The following MTIF3 variants were observed in gnomAD, a reference collection of about 807,000 sequenced individuals.
The protein encoded by MTIF3 is translation initiation factor IF-3, mitochondrial.
MTIF3 carries 13 observed loss-of-function variants against 20.7 expected under a neutral mutation model. That is an observed-to-expected ratio of 0.63 (90% CI 0.41 to 1.00). The LOEUF (loss-of-function observed/expected upper bound fraction) is 1.00, where lower values mean the gene tolerates loss of function less well. MTIF3 is among the 50% of genes least tolerant of loss of function. MTIF3 has a pLI of 0.00. For missense variants in MTIF3, 295 were observed against 324.5 expected (o/e 0.91, Z 0.70); for synonymous variants, 114 against 112.5 (o/e 1.01, Z -0.08).
At chr13:27,448,226 T>C (rs1954243367) in intron 1 of MTIF3, among the ~76,000 whole-genome samples, 1 of 152,248 alleles carries the variant, frequency 6.6e-6, no homozygotes, top group Non-Finnish European at 1.5e-5. Context: ...AAATAACTTC[T>C]ATTATTTGTT....
At chr13:27,437,081 A>C in intron 4 of MTIF3, 35 bp downstream of exon 4, 1 of 1,601,868 alleles carries the variant, frequency 6.2e-7, no homozygotes, top group Non-Finnish European at 8.5e-7. Context: ...AGAAGACCCA[A>C]AGCACAAGCA....
intron 3 of MTIF3, among the ~76,000 whole-genome samples, chr13:27,438,447 A>C (rs1414897466): frequency 6.9e-6 from 1 of 145,802 alleles, no homozygotes; most frequent in East Asian, 2.1e-4. Flanking sequence ...CCGAAATCAC[A>C]CCACAGCACT....
chr13:27,438,481 C>CGGTTT (rs1422816462), intron 3 of MTIF3, among the ~76,000 whole-genome samples: 30 of 52,062 alleles, frequency 5.8e-4, no homozygotes, highest in Non-Finnish European at 9.7e-4. Context: ...CAGAGCAAGA[C>CGGTTT]TGTTTTTTTT....
At chr13:27,447,122 C>T (rs1313429404) in intron 1 of MTIF3, among the ~76,000 whole-genome samples, 2 of 148,914 alleles carry the variant, frequency 1.3e-5, no homozygotes, top group East Asian at 2.0e-4. Context: ...CACGGCCTGT[C>T]GGCATCACCT....
intron 2 of MTIF3, among the ~76,000 whole-genome samples, chr13:27,442,050 G>A (rs189044592): frequency 5.5e-4 from 83 of 152,286 alleles, no homozygotes; most frequent in African/African-American, 1.8e-3. Context: ...CTTCTCTTGA[G>A]TTCCACACCT....
Position 27,440,079 on chromosome 13 carries a change from C to T in MTIF3, c.370G>A (p.Glu124Lys). 1 of 1,614,210 alleles carries T rather than the reference C, an allele frequency of 6.2e-7. No individual in the cohort carries two copies. Among genetic ancestry groups the T allele is most frequent in the Non-Finnish European group, 8.5e-7 (1 of 1,180,030 alleles). ...LRLVQRNTST[E>K]PAEYQLMTGL... Reference sequence around the variant, plus strand: ...GTCATGAGCTGATACTCTGCAGGTTCTGTGCTGGTGTTCCTTTGAACCAGT... The same window carrying T: ...GTCATGAGCTGATACTCTGCAGGTTTTGTGCTGGTGTTCCTTTGAACCAGT... The change falls in exon 3 of 5, where the codon GAA becomes AAA. Residue 124 changes from glutamate (E) to lysine (K), a missense_variant. By Grantham distance (56) the Glu-to-Lys change is moderately conservative. Transcript: ENST00000381120.
chr13:27,436,815 G>A (rs535322815), intron 4 of MTIF3, among the ~76,000 whole-genome samples: 205 of 142,568 alleles, frequency 1.4e-3, no homozygotes, highest in African/African-American at 2.2e-3. Flanking sequence ...GCAGTGGCGC[G>A]ATCTCGGCTC....
At chr13:27,438,507 T>G (rs1271245224) in intron 3 of MTIF3, among the ~76,000 whole-genome samples, 14 of 126,016 alleles carry the variant, frequency 1.1e-4, no homozygotes, top group Non-Finnish European at 2.1e-4. Context: ...TTTTTTTTTT[T>G]TTAAACACAG....
intron 3 of MTIF3, among the ~76,000 whole-genome samples, chr13:27,438,516 A>T (rs1953878693): frequency 7.2e-6 from 1 of 139,254 alleles, no homozygotes. Flanking sequence ...TTTTAAACAC[A>T]GGGTCTCGCT....
chr13:27,440,102 A>G lies in MTIF3; in HGVS notation c.347T>C (p.Leu116Pro), dbSNP rs1953945282. ...IRLMDERDLR[L>P]VQRNTSTEPA... ...TTCTGTGCTGGTGTTCCTTTGAACC[A>G]GTCGCAGGTCTCGCTCATCCATAAG... The change falls in exon 3 of 5, where the codon CTG (leucine) becomes CCG (proline). Residue 116 changes from leucine (L) to proline (P), a missense_variant. Coordinates refer to ENST00000381120, the MANE Select transcript of MTIF3 (RefSeq NM_152912.5). The G allele has an allele frequency of 6.2e-7, 1 of 1,614,108 alleles. No individual in the cohort carries two copies. Among genetic ancestry groups the G allele is most frequent in the African/African-American group, 1.3e-5 (1 of 74,932 alleles).
At position 27,438,483 on chromosome 13, in the gene MTIF3, G is replaced by GTTTTTTTT. The variant is rs61052475; in HGVS notation, c.461-1218_461-1211dup. ...CCAGCCTGGGCAACAGAGCAAGACT[G>GTTTTTTTT]TTTTTTTTTTTTTTTTTTTTTTTTT... On this transcript the variant is annotated intron_variant, in intron 3 of 4. Transcript: ENST00000381120. Among the ~76,000 whole-genome samples, 15 of 107,136 alleles carry GTTTTTTTT rather than the reference G, an allele frequency of 1.4e-4. 2 individuals carry two copies. The highest frequency in any genetic ancestry group is 7.8e-4 in the East Asian group (2 of 2,574). 70.3% of individuals were successfully genotyped at this position (107,136 alleles called of 152,430 possible). A position where few individuals can be genotyped will look rare whatever the true frequency, so the allele number is the denominator to read the frequency against.
intron 3 of MTIF3, among the ~76,000 whole-genome samples, chr13:27,438,892 G>A (rs1953891933): frequency 6.6e-6 from 1 of 151,534 alleles, no homozygotes; most frequent in South Asian, 2.1e-4. Context: ...TGTTAAATGT[G>A]GCATTACAAA....
At chr13:27,444,922 G>A (rs1954127519) in intron 2 of MTIF3, among the ~76,000 whole-genome samples, 166 bp downstream of exon 2, 1 of 152,032 alleles carries the variant, frequency 6.6e-6, no homozygotes, top group Non-Finnish European at 1.5e-5. Flanking sequence ...GGTCAATTTT[G>A]GTGTAATTTA....
chr13:27,442,811 G>A (rs965735996), intron 2 of MTIF3, among the ~76,000 whole-genome samples: 1 of 152,122 alleles, frequency 6.6e-6, no homozygotes, highest in Non-Finnish European at 1.5e-5. Context: ...CCATTACCTT[G>A]CCTTTTAAAA....
intron 4 of MTIF3, among the ~76,000 whole-genome samples, chr13:27,436,652 T>C (rs1028910435): frequency 6.6e-6 from 1 of 152,148 alleles, no homozygotes; most frequent in Non-Finnish European, 1.5e-5. Flanking sequence ...ATCTACAGTA[T>C]GCTTAGTTTT....
At chr13:27,442,607 C>T (rs1247041090) in intron 2 of MTIF3, among the ~76,000 whole-genome samples, 2 of 152,190 alleles carry the variant, frequency 1.3e-5, no homozygotes, top group Non-Finnish European at 2.9e-5. Context: ...CTGTTCCAGC[C>T]TCCTTGCTGT....
At chr13:27,438,481 C>CTT (rs1566082029) in intron 3 of MTIF3, among the ~76,000 whole-genome samples, 10 of 52,066 alleles carry the variant, frequency 1.9e-4, no homozygotes, top group East Asian at 6.8e-4. Context: ...CAGAGCAAGA[C>CTT]TGTTTTTTTT....
intron 2 of MTIF3, chr13:27,441,250 C>G (rs1924074): frequency 0.9 from 136,827 of 152,284 alleles, 61,813 homozygotes; most frequent in East Asian, 1. Flanking sequence ...CATCTTAGGG[C>G]TTTATTTATG....
intron 2 of MTIF3, among the ~76,000 whole-genome samples, chr13:27,441,481 C>A (rs996856099): frequency 2.0e-5 from 3 of 152,198 alleles, no homozygotes; most frequent in Admixed American, 1.3e-4. Flanking sequence ...ACCTCATAAA[C>A]TATAAAGATC....
Sources: gnomAD v4.1 joint callset for allele counts (sites outside exome capture counted in the v4.1 genomes callset) on GRCh38, gnomAD v4.1.1 for gene constraint, MANE v1.5 for transcripts, NCBI Gene and HGNC (gene_info 2026-07-23, HGNC 2026-07-21) for gene names.